EXOSC9: variants seen among roughly 807,000 people sequenced by gnomAD.
The protein encoded by EXOSC9 is exosome component 9.
Under a neutral mutation model 56.5 loss-of-function variants are expected in EXOSC9, and 38 were observed. The ratio of observed to expected loss-of-function variants is 0.67; its 90% CI spans 0.52 to 0.88. EXOSC9 has a LOEUF of 0.88. Ranked by LOEUF, EXOSC9 falls within the 40% of genes least tolerant of loss-of-function variation. The pLI, the probability that EXOSC9 is intolerant of heterozygous loss-of-function variation, is 0.00. For synonymous variants in EXOSC9, 170 were observed against 170.8 expected, an observed-to-expected ratio of 0.99 and a Z score of 0.04; for missense variants, 559 against 530.5, an observed-to-expected ratio of 1.05 and a Z score of -0.53.
At position 121,801,951 on chromosome 4, in the gene EXOSC9, G is replaced by A. The variant is rs67772833; in HGVS notation, c.161+30G>A. 0.37 allele frequency: 546,115 copies of A among 1,482,940 alleles called. 109,262 individuals carry two copies. Among genetic ancestry groups the A allele is most frequent in the African/African-American group, 0.8 (57,730 of 72,298 alleles). The allele number at this position is 1,482,940 out of a possible 1,614,324, so 91.9% of individuals were successfully genotyped here. A position where few individuals can be genotyped will look rare whatever the true frequency, so the allele number is the denominator to read the frequency against. On this transcript the variant is annotated intron_variant, in intron 2 of 11. Coordinates refer to ENST00000243498, the MANE Select transcript of EXOSC9 (RefSeq NM_005033.3). The stretch of plus-strand genomic sequence containing the variant: ...CAGGATTTAAATGAGATACACATTC[G>A]GAAGGGAGAAGTTTGAAAAAAGACC...
rs1233857464 is a variant in EXOSC9 at position 121,801,451 on chromosome 4, C to T, written c.27C>T (p.Cys9=). Residue 9 remains cysteine, a synonymous_variant, in exon 1 of 12, where the codon TGC becomes TGT. Transcript: ENST00000243498. ...TGAAGGAAACGCCACTCTCAAACTGCGAACGCCGCTTCCTACTCCGTGCCA... is the reference window on the plus strand; with the variant it reads ...TGAAGGAAACGCCACTCTCAAACTGTGAACGCCGCTTCCTACTCCGTGCCA... MKETPLSN[C]ERRFLLRAIE... The T allele has an allele frequency of 2.5e-6, 4 of 1,614,050 alleles. No individual in the cohort carries two copies. The highest frequency in any genetic ancestry group is 1.7e-5 in the Admixed American group (1 of 60,008).
At position 121,802,737 on chromosome 4, in the gene EXOSC9, TC is replaced by T. The variant is rs1560621899; in HGVS notation, c.226del (p.Leu76PhefsTer25). 2 of 1,613,998 alleles carry T rather than the reference TC, an allele frequency of 1.2e-6. No individual in the cohort carries two copies. The highest frequency in any genetic ancestry group is 1.3e-5 in the African/African-American group (1 of 74,922). ...AACTCAATCGGGCAACAGAAGGTAT[TC>T]TTTTTTTTAACCTTGAACTCTCTCA... The part of the protein sequence containing the change: ...PKLNRATEGI[L>X]FFNLELSQMA... On this transcript the variant is annotated frameshift_variant, in exon 3 of 12. Coordinates refer to ENST00000243498, the MANE Select transcript of EXOSC9 (RefSeq NM_005033.3). LOFTEE classifies it high-confidence loss of function.
chr4:121,806,982 G>C (rs578230544), intron 5 of EXOSC9, among the ~76,000 whole-genome samples: 26 of 152,118 alleles, frequency 1.7e-4, no homozygotes, highest in Non-Finnish European at 3.5e-4. Flanking sequence ...ACTAAAAATT[G>C]AATCATATAC....
At chr4:121,814,245 G>GT (rs1173301304) in intron 10 of EXOSC9, 198 bp downstream of exon 10, 2 of 351,268 alleles carry the variant, frequency 5.7e-6, no homozygotes, top group Non-Finnish European at 5.1e-6. Flanking sequence ...TAGATATGTA[G>GT]TTATATATAG....
intron 6 of EXOSC9, 93 bp from the exon 7 acceptor site, chr4:121,809,874 C>A: frequency 7.0e-7 from 1 of 1,437,560 alleles, no homozygotes; most frequent in Non-Finnish European, 9.8e-7. Context: ...TCTCTGTTGA[C>A]TTTATTGATG....
intron 7 of EXOSC9, 90 bp downstream of exon 7, chr4:121,810,189 C>A: frequency 1.8e-6 from 2 of 1,113,456 alleles, no homozygotes; most frequent in African/African-American, 1.6e-5. Flanking sequence ...AATGGGGATA[C>A]TTCCAGTGAT....
rs59269603 is a variant in EXOSC9, at chr4:121,814,070, C to CTTA, written c.1156+24_1156+26dup. On this transcript the variant is annotated intron_variant, in intron 10 of 11. Transcript: ENST00000243498. ...AAGGTAGGTGACACTTTATGGCACA[C>CTTA]TTACTATATATTACATACATATAGT... The CTTA allele has an allele frequency of 0.73, 1,092,446 of 1,487,158 alleles. 406,161 individuals carry two copies. The highest frequency in any genetic ancestry group is 0.89 in the African/African-American group (64,149 of 71,832). 92.1% of individuals were successfully genotyped at this position (1,487,158 alleles called of 1,614,324 possible).
At chr4:121,813,147 A>T in intron 8 of EXOSC9, 87 bp from the exon 9 acceptor site, 1 of 1,265,870 alleles carries the variant, frequency 7.9e-7, no homozygotes, top group Non-Finnish European at 1.1e-6. Context: ...CAAAGGATAA[A>T]ATAATAGTTT....
chr4:121,816,569 A>T, intron 11 of EXOSC9, 122 bp downstream of exon 11: 1 of 808,708 alleles, frequency 1.2e-6, no homozygotes, highest in Non-Finnish European at 1.9e-6. Context: ...CTTTTTCATT[A>T]GAGATCCATC....
intron 2 of EXOSC9, 127 bp downstream of exon 2, chr4:121,802,048 G>T: frequency 1.4e-6 from 1 of 689,914 alleles, no homozygotes; most frequent in South Asian, 1.9e-5. Context: ...ACAAAAATAA[G>T]TATTTTTTTA....
intron 9 of EXOSC9, 86 bp from the exon 10 acceptor site, chr4:121,813,780 C>T: frequency 1.0e-6 from 1 of 1,001,786 alleles, no homozygotes; most frequent in Non-Finnish European, 1.5e-6. Flanking sequence ...TTGAATCAAT[C>T]TTACAAGAAG....
At chr4:121,810,201 T>C (rs1229680647) in intron 7 of EXOSC9, 102 bp downstream of exon 7, 1 of 1,011,694 alleles carries the variant, frequency 9.9e-7, no homozygotes, top group Non-Finnish European at 1.5e-6. Context: ...TCCAGTGATT[T>C]ATTCTAGGAT....
At chr4:121,801,738 C>T in intron 1 of EXOSC9, 89 bp from the exon 2 acceptor site, 2 of 1,143,646 alleles carry the variant, frequency 1.7e-6, no homozygotes, top group Non-Finnish European at 2.6e-6. Context: ...CACTTTCCCC[C>T]AAGTGCTTAG....
At chr4:121,815,452 C>T in intron 10 of EXOSC9, 1 of 985,060 alleles carries the variant, frequency 1.0e-6, no homozygotes, top group Non-Finnish European at 1.2e-6. Context: ...AGCATGTGAA[C>T]AAAGGGAGAA....
chr4:121,810,377 TATTAAAAAA>T (rs1351943967), intron 7 of EXOSC9, among the ~76,000 whole-genome samples: 1 of 67,418 alleles, frequency 1.5e-5, no homozygotes, highest in Non-Finnish European at 2.6e-5. Context: ...TTTATATCCC[TATTAAAAAA>T]AAAAAAAAAG....
At chr4:121,814,606 C>A (rs1263845250) in intron 10 of EXOSC9, 1 of 152,126 alleles carries the variant, frequency 6.6e-6, no homozygotes, top group Non-Finnish European at 1.5e-5. Context: ...AGTATCTACA[C>A]TGGTATAGCA....
chr4:121,801,928 G>A lies in EXOSC9; in HGVS notation c.161+7G>A. On this transcript the variant is annotated splice_region_variant and intron_variant, in intron 2 of 11. Transcript: ENST00000243498. Reference sequence around the variant, plus strand: ...TGGAACTTGGAAAAACAAGGTAACAGGATTTAAATGAGATACACATTCGGA... The same window carrying A: ...TGGAACTTGGAAAAACAAGGTAACAAGATTTAAATGAGATACACATTCGGA... 1 of 1,589,522 alleles carries A rather than the reference G, an allele frequency of 6.3e-7. No homozygotes were observed. Among genetic ancestry groups the A allele is most frequent in the Non-Finnish European group, 8.6e-7 (1 of 1,157,690 alleles).
rs1560624452 is a variant in EXOSC9 at position 121,807,634 on chromosome 4, CTTA to C, written c.605+17_605+19del. ...TTTTTCCAGCAAGGGTAAGCCTCGC[CTTA>C]TTATGGGCCAAAATTACAAATGCAG... On this transcript the variant is annotated intron_variant, in intron 6 of 11. Coordinates refer to ENST00000243498, the MANE Select transcript of EXOSC9 (RefSeq NM_005033.3). The C allele has an allele frequency of 6.4e-7, 1 of 1,569,888 alleles. No individual in the cohort carries two copies. Among genetic ancestry groups the C allele is most frequent in the South Asian group, 1.1e-5 (1 of 90,020 alleles).
intron 6 of EXOSC9, 113 bp downstream of exon 6, chr4:121,807,735 C>T (rs938595581): frequency 3.0e-6 from 2 of 662,632 alleles, no homozygotes; most frequent in Non-Finnish European, 5.4e-6. Context: ...TAGTAAAGCA[C>T]CTTGTATTTC....
Sources: gnomAD v4.1 joint callset for allele counts (sites outside exome capture counted in the v4.1 genomes callset) on GRCh38, gnomAD v4.1.1 for gene constraint, MANE v1.5 for transcripts, NCBI Gene and HGNC (gene_info 2026-07-23, HGNC 2026-07-21) for gene names.